The following INSR variants were observed in gnomAD, a reference collection of about 807,000 sequenced individuals.
INSR encodes the protein IR.
INSR carries 67 observed loss-of-function variants against 142.6 expected under a neutral mutation model. The ratio of observed to expected loss-of-function variants is 0.47; its 90% CI spans 0.39 to 0.58. The LOEUF is 0.58. Ranked by LOEUF, INSR falls within the 20% of genes least tolerant of loss-of-function variation. The probability of loss-of-function intolerance (pLI) is 0.00; values close to 1 mark genes in which losing one functional copy is unlikely to be tolerated. For missense variants in INSR, 1,248 were observed against 1,833.2 expected (o/e 0.68, Z 5.83); for synonymous variants, 756 against 743.1 (o/e 1.02, Z -0.28).
In INSR at chr19:7,117,209, G is replaced by A. The variant is rs1034582472; in HGVS notation, c.3996C>T (p.Ser1332=). Residue 1332 remains serine (S), a synonymous_variant, in exon 22 of 22, where the codon TCC becomes TCT. Transcript: ENST00000302850. ...EDMENVPLDR[S]SHCQREEAGG... ...CCGCCTCCTCCCTCTGACAGTGCGA[G>A]GAACGGTCCAGGGGCACATTCTCCA... 1.2e-6 allele frequency: 2 copies of A among 1,614,162 alleles called. No individual in the cohort carries two copies. The highest frequency in any genetic ancestry group is 1.3e-5 in the African/African-American group (1 of 75,046).
intron 9 of INSR, among the ~76,000 whole-genome samples, chr19:7,154,448 G>A (rs1973533649): frequency 6.7e-6 from 1 of 148,908 alleles, no homozygotes; most frequent in South Asian, 2.1e-4. Context: ...GACTACAGGC[G>A]GCCGCTGCCA....
chr19:7,222,005 C>T (rs1293134284), intron 2 of INSR, among the ~76,000 whole-genome samples: 1 of 142,930 alleles, frequency 7.0e-6, no homozygotes, highest in Non-Finnish European at 1.5e-5. Flanking sequence ...ATGTACTATC[C>T]ACCAGGCACA....
rs1024239392 is a variant in INSR at position 7,119,881 on chromosome 19, C to T, written c.3660-298G>A. Among the ~76,000 whole-genome samples, 1 of 151,882 alleles carries T rather than the reference C, an allele frequency of 6.6e-6. No homozygotes were observed. Among genetic ancestry groups the T allele is most frequent in the African/African-American group, 2.4e-5 (1 of 41,344 alleles). ...ACACACATGCAAACACACACAAACA[C>T]ACATATGCACACACATACACACACA... is the stretch of plus-strand genomic sequence containing the variant. On this transcript the variant is annotated intron_variant, in intron 20 of 21. Transcript: ENST00000302850. This position sits in a 1 kb window ranked among gnomAD's most constrained non-coding sequence, Gnocchi z 5.2.
chr19:7,120,131 C>T (rs1972454342), intron 20 of INSR, among the ~76,000 whole-genome samples: 1 of 152,214 alleles, frequency 6.6e-6, no homozygotes, highest in Non-Finnish European at 1.5e-5. Context: ...ATCTGATTGG[C>T]TCCTTTGGAG....
At chr19:7,286,836 C>G (rs1482449458) in intron 1 of INSR, among the ~76,000 whole-genome samples, 1 of 151,684 alleles carries the variant, frequency 6.6e-6, no homozygotes, top group East Asian at 1.9e-4. Context: ...ACCAGGCCAC[C>G]CCAAGAAGTA....
intron 2 of INSR, among the ~76,000 whole-genome samples, chr19:7,249,763 A>T (rs550741110): frequency 7.2e-5 from 11 of 152,168 alleles, no homozygotes; most frequent in Middle Eastern, 3.4e-3. Context: ...GAGGCCAAGG[A>T]GGGTGGATCA....
chr19:7,179,398 C>A (rs1974218692), intron 3 of INSR, among the ~76,000 whole-genome samples: 2 of 152,226 alleles, frequency 1.3e-5, no homozygotes, highest in Non-Finnish European at 2.9e-5. Flanking sequence ...GCGTCTGATG[C>A]TAACTTTGGA....
chr19:7,134,571 C>A (rs1972862003), intron 13 of INSR, among the ~76,000 whole-genome samples: 1 of 151,958 alleles, frequency 6.6e-6, no homozygotes, highest in Admixed American at 6.6e-5. Context: ...TTGAGACCAT[C>A]CTTGCCAACA....
At position 7,117,424 on chromosome 19, in the gene INSR, G is replaced by C. The variant is rs373516719; in HGVS notation, c.3795-14C>G. ...ATGAGGTCAGTGCTGCGGGGCAGAAGGACACGTCCTGGGTGAGTCTGGGGG... is the reference window on the plus strand; with the variant it reads ...ATGAGGTCAGTGCTGCGGGGCAGAACGACACGTCCTGGGTGAGTCTGGGGG... On this transcript the variant is annotated splice_polypyrimidine_tract_variant and intron_variant, in intron 21 of 21. Coordinates refer to ENST00000302850, the MANE Select transcript of INSR (RefSeq NM_000208.4). 9 of 1,602,210 alleles carry C rather than the reference G, an allele frequency of 5.6e-6. No individual in the cohort carries two copies. Among genetic ancestry groups the C allele is most frequent in the African/African-American group, 2.7e-5 (2 of 74,848 alleles).
chr19:7,273,948 A>T (rs975008563), intron 1 of INSR, among the ~76,000 whole-genome samples: 8 of 152,158 alleles, frequency 5.3e-5, no homozygotes, highest in African/African-American at 1.9e-4. Flanking sequence ...AACTGAGATC[A>T]TCCCGTCGCA....
At chr19:7,276,113 C>T (rs781465754) in intron 1 of INSR, among the ~76,000 whole-genome samples, 16 of 152,120 alleles carry the variant, frequency 1.1e-4, no homozygotes, top group Non-Finnish European at 2.1e-4. Flanking sequence ...TTTCTACTTC[C>T]TGTTTTCAAT....
At chr19:7,204,827 T>C (rs1975063699) in intron 2 of INSR, among the ~76,000 whole-genome samples, 2 of 152,216 alleles carry the variant, frequency 1.3e-5, no homozygotes, top group Non-Finnish European at 2.9e-5. Context: ...ACGCCTGTAA[T>C]CCCAGCACTT....
rs74433419 is a variant in INSR, at chr19:7,112,786, C to G, written c.*4270G>C. On this transcript the variant is annotated 3_prime_UTR_variant, in exon 22 of 22. Coordinates refer to ENST00000302850, the MANE Select transcript of INSR (RefSeq NM_000208.4). ...GTCCCCTCCCCTCACTCCCATTTCT[C>G]GGGGACCCTTAAGGAAATATTCACC... 6.6e-6 allele frequency: 1 copy of G among 151,888 alleles called. No individual in the cohort carries two copies. Among genetic ancestry groups the G allele is most frequent in the African/African-American group, 2.4e-5 (1 of 41,344 alleles). 9.4% of individuals were successfully genotyped at this position (151,888 alleles called of 1,614,324 possible). A position where few individuals can be genotyped will look rare whatever the true frequency, so the allele number is the denominator to read the frequency against.
intron 1 of INSR, among the ~76,000 whole-genome samples, chr19:7,271,375 A>G (rs1255896849): frequency 6.6e-6 from 1 of 151,944 alleles, no homozygotes; most frequent in Non-Finnish European, 1.5e-5. Flanking sequence ...TGGCAGGCGC[A>G]TGTAGTTCCA....
intron 1 of INSR, among the ~76,000 whole-genome samples, chr19:7,289,799 T>C (rs576585195): frequency 6.6e-6 from 1 of 152,304 alleles, no homozygotes; most frequent in Non-Finnish European, 1.5e-5. Flanking sequence ...GAGACGTGCC[T>C]GGCAATGTCT....
chr19:7,222,404 T>G (rs1440570967), intron 2 of INSR, among the ~76,000 whole-genome samples: 1 of 152,100 alleles, frequency 6.6e-6, no homozygotes, highest in Non-Finnish European at 1.5e-5. Context: ...ATTTTTTTGT[T>G]TTTTTAAGAG....
At chr19:7,266,561 T>A (rs1363182524) in intron 2 of INSR, among the ~76,000 whole-genome samples, 1 of 152,042 alleles carries the variant, frequency 6.6e-6, no homozygotes, top group Non-Finnish European at 1.5e-5. Flanking sequence ...AATTTTGTAT[T>A]TTTAGTAGAG....
chr19:7,245,188 G>A (rs779547935), intron 2 of INSR, among the ~76,000 whole-genome samples: 3 of 151,858 alleles, frequency 2.0e-5, no homozygotes, highest in Non-Finnish European at 4.4e-5. Context: ...CACCTGCCTC[G>A]GCCTCCCCAA....
chr19:7,169,923 G>A (rs1973975636), intron 6 of INSR, among the ~76,000 whole-genome samples: 1 of 152,162 alleles, frequency 6.6e-6, no homozygotes, highest in African/African-American at 2.4e-5. Flanking sequence ...GTTGTTAGAG[G>A]GAAGTAATAC....
Sources: gnomAD v4.1 joint callset for allele counts (sites outside exome capture counted in the v4.1 genomes callset) on GRCh38, gnomAD v4.1.1 for gene constraint, Gnocchi (gnomAD v3.1) non-coding constraint, MANE v1.5 for transcripts, NCBI Gene and HGNC (gene_info 2026-07-23, HGNC 2026-07-21) for gene names.